The following ITFG1 variants were observed in gnomAD, a reference collection of about 807,000 sequenced individuals.
The protein encoded by ITFG1 is integrin alpha FG-GAP repeat containing 1, also known as T-cell immunomodulatory protein.
A neutral mutation model predicts 81.8 loss-of-function variants in ITFG1; 34 were observed. The observed-to-expected ratio is 0.42, with a 90% confidence interval of 0.32 to 0.55. The LOEUF (loss-of-function observed/expected upper bound fraction) is 0.55. Ranked by LOEUF, ITFG1 falls within the 20% of genes least tolerant of loss-of-function variation. The probability of loss-of-function intolerance (pLI) is 0.17; values close to 1 mark genes in which losing one functional copy is unlikely to be tolerated. For synonymous variants in ITFG1, 285 were observed against 270.6 expected (o/e 1.05, Z -0.52); for missense variants, 672 against 755.4 (o/e 0.89, Z 1.29).
At chr16:47,192,898 C>T (rs980477321) in intron 14 of ITFG1, among the ~76,000 whole-genome samples, 1 of 152,128 alleles carries the variant, frequency 6.6e-6, no homozygotes, top group East Asian at 1.9e-4. Context: ...ATGTTTTAAA[C>T]GAGTCTCATT....
chr16:47,413,859 C>T (rs72800646), intron 6 of ITFG1, among the ~76,000 whole-genome samples: 4,171 of 152,154 alleles, frequency 0.027, 93 homozygotes, highest in Non-Finnish European at 0.04. Context: ...TCGCTCTTAT[C>T]CCCCAGGCTA....
intron 14 of ITFG1, among the ~76,000 whole-genome samples, chr16:47,163,679 T>G (rs1358247390): frequency 6.6e-6 from 1 of 152,196 alleles, no homozygotes; most frequent in Non-Finnish European, 1.5e-5. Flanking sequence ...TTAACATCAT[T>G]AGGAACTATC....
chr16:47,398,521 C>A (rs556178321), intron 6 of ITFG1, among the ~76,000 whole-genome samples: 5 of 152,208 alleles, frequency 3.3e-5, no homozygotes, highest in Non-Finnish European at 7.3e-5. Context: ...CTTCAGTCAG[C>A]ATTACTTTCA....
intron 14 of ITFG1, among the ~76,000 whole-genome samples, chr16:47,179,040 C>T (rs1278708769): frequency 3.3e-5 from 5 of 152,056 alleles, no homozygotes; most frequent in Non-Finnish European, 5.9e-5. Context: ...CCATCTCACA[C>T]CAGTTAGAAT....
chr16:47,422,847 T>C (rs1968968737), intron 6 of ITFG1, among the ~76,000 whole-genome samples: 1 of 152,230 alleles, frequency 6.6e-6, no homozygotes, highest in African/African-American at 2.4e-5. Flanking sequence ...CTTCCAATTA[T>C]GTGGTCAATT....
chr16:47,165,438 A>G (rs1470415825), intron 14 of ITFG1, among the ~76,000 whole-genome samples: 1 of 152,280 alleles, frequency 6.6e-6, no homozygotes, highest in Admixed American at 6.5e-5. Flanking sequence ...CTGCAGAATT[A>G]GTCCACCTTG....
chr16:47,255,206 T>C (rs1479493883), intron 12 of ITFG1, among the ~76,000 whole-genome samples: 1 of 152,254 alleles, frequency 6.6e-6, no homozygotes, highest in African/African-American at 2.4e-5. Flanking sequence ...TTAAATTTAA[T>C]GTATATTTTT....
intron 12 of ITFG1, among the ~76,000 whole-genome samples, chr16:47,245,860 T>C (rs1965996378): frequency 6.6e-6 from 1 of 151,552 alleles, no homozygotes; most frequent in South Asian, 2.1e-4. Flanking sequence ...AAGAGGAAAC[T>C]GAAGAACTGA....
At chr16:47,360,798 G>A (rs148475315) in intron 8 of ITFG1, among the ~76,000 whole-genome samples, 1 of 152,240 alleles carries the variant, frequency 6.6e-6, no homozygotes, top group East Asian at 1.9e-4. Flanking sequence ...TAAAACAAAG[G>A]AAGCATAATT....
chr16:47,267,131 T>C (rs1966286414), intron 10 of ITFG1, among the ~76,000 whole-genome samples: 1 of 152,332 alleles, frequency 6.6e-6, no homozygotes, highest in African/African-American at 2.4e-5. Flanking sequence ...TATAACTCTA[T>C]GCATATTCTA....
chr16:47,186,080 T>C (rs1453515792), intron 14 of ITFG1, among the ~76,000 whole-genome samples: 1 of 152,110 alleles, frequency 6.6e-6, no homozygotes, highest in African/African-American at 2.4e-5. Flanking sequence ...AATCTCTGAA[T>C]AGACCAATAA....
intron 6 of ITFG1, among the ~76,000 whole-genome samples, chr16:47,392,795 T>C (rs977775266): frequency 5.9e-5 from 9 of 152,206 alleles, no homozygotes; most frequent in South Asian, 2.1e-4. Context: ...GGTGCTCTCA[T>C]GTACAGTAAG....
intron 10 of ITFG1, among the ~76,000 whole-genome samples, chr16:47,273,621 T>C (rs996554567): frequency 6.6e-6 from 1 of 151,988 alleles, no homozygotes; most frequent in African/African-American, 2.4e-5. Flanking sequence ...ACATGTTACC[T>C]GAATGAAAAA....
intron 5 of ITFG1, among the ~76,000 whole-genome samples, chr16:47,441,273 C>G (rs1465856716): frequency 6.6e-6 from 1 of 152,156 alleles, no homozygotes; most frequent in Non-Finnish European, 1.5e-5. Flanking sequence ...GGTAACATTC[C>G]TTCTGAAACT....
At chr16:47,178,573 A>T (rs532925131) in intron 14 of ITFG1, among the ~76,000 whole-genome samples, 2 of 152,340 alleles carry the variant, frequency 1.3e-5, no homozygotes, top group Admixed American at 1.3e-4. Context: ...ACAAAAATTA[A>T]TTCAAGATGG....
intron 13 of ITFG1, among the ~76,000 whole-genome samples, chr16:47,219,677 C>T (rs1965667660): frequency 6.6e-6 from 1 of 152,112 alleles, no homozygotes; most frequent in African/African-American, 2.4e-5. Flanking sequence ...TACTGATCTT[C>T]CCAGAAAAGT....
At chr16:47,313,233 C>T (rs1967295936) in intron 9 of ITFG1, 1 of 152,148 alleles carries the variant, frequency 6.6e-6, no homozygotes, top group East Asian at 1.9e-4. Context: ...TCATTTATTA[C>T]CCTCCAAAAG....
chr16:47,367,986 C>G (rs1015283183), intron 7 of ITFG1, among the ~76,000 whole-genome samples: 3 of 152,038 alleles, frequency 2.0e-5, no homozygotes, highest in African/African-American at 7.2e-5. Flanking sequence ...GCCTGTAATC[C>G]CAGCACTTTG....
At chr16:47,244,351 G>A (rs1308035315) in intron 12 of ITFG1, among the ~76,000 whole-genome samples, 2 of 152,174 alleles carry the variant, frequency 1.3e-5, no homozygotes, top group Non-Finnish European at 2.9e-5. Flanking sequence ...CATCTGCAAT[G>A]TGGGGCAATC....
Sources: allele counts gnomAD v4.1 joint callset (sites outside exome capture counted in the v4.1 genomes callset), GRCh38; gene constraint gnomAD v4.1.1; transcripts MANE v1.5; gene names NCBI Gene and HGNC (gene_info 2026-07-23, HGNC 2026-07-21).